SYT17: variants seen among roughly 807,000 people sequenced by gnomAD.
The protein encoded by SYT17 is synaptotagmin 17.
SYT17 carries 22 observed loss-of-function variants against 46.7 expected under a neutral mutation model. That is an observed-to-expected ratio of 0.47 (90% CI 0.34 to 0.67). The LOEUF is 0.67. Among genes scored for constraint, SYT17 ranks in the 30% least tolerant of loss-of-function variants. The pLI, the probability that SYT17 is intolerant of heterozygous loss-of-function variation, is 0.01. For missense variants in SYT17, 519 were observed against 612.8 expected (o/e 0.85, Z 1.62); for synonymous variants, 251 against 248.4 (o/e 1.01, Z -0.10).
rs1158414405 is a variant in SYT17, at chr16:19,180,412, C to G, written c.204C>G (p.Asp68Glu). 1.2e-6 allele frequency: 2 copies of G among 1,614,188 alleles called. No individual in the cohort carries two copies. ...ATAGGATGGCCAGCCGGAGCAGTGA[C>G]AAGGATGGTGACTCTGTCCACACGG... ...PPWLMASRSS[D>E]KDGDSVHTAS... Residue 68 changes from aspartate (D) to glutamate (E), a missense_variant, in exon 4 of 8, where the codon GAC becomes GAG. Coordinates refer to ENST00000355377, the MANE Select transcript of SYT17 (RefSeq NM_016524.4).
chr16:19,235,807 G>A (rs943965983), intron 7 of SYT17, among the ~76,000 whole-genome samples: 2 of 152,200 alleles, frequency 1.3e-5, no homozygotes, highest in Non-Finnish European at 2.9e-5. Flanking sequence ...CAAAATATTT[G>A]CTGGATGAAC....
At chr16:19,173,070 A>T (rs1339337606) in intron 2 of SYT17, 2 of 570,988 alleles carry the variant, frequency 3.5e-6, no homozygotes, top group Non-Finnish European at 6.1e-6. Context: ...TCAAGAAGAC[A>T]CAGTAATATT....
chr16:19,228,109 A>G (rs576473474), intron 7 of SYT17, among the ~76,000 whole-genome samples: 21 of 152,332 alleles, frequency 1.4e-4, no homozygotes, highest in African/African-American at 2.4e-4. Flanking sequence ...AGAAAAATAC[A>G]TGGAAGTATG....
chr16:19,200,533 G>A (rs1227276647), intron 5 of SYT17, among the ~76,000 whole-genome samples: 2 of 152,162 alleles, frequency 1.3e-5, no homozygotes, highest in African/African-American at 2.4e-5. Flanking sequence ...AAGAGGCAAG[G>A]GGTTCCTCTA....
chr16:19,206,332 T>A (rs765437502), intron 5 of SYT17, among the ~76,000 whole-genome samples: 4 of 152,002 alleles, frequency 2.6e-5, no homozygotes, highest in African/African-American at 4.8e-5. Context: ...CTTCATGGGG[T>A]ATATATATGG....
chr16:19,189,408 A>C (rs1199622643), intron 5 of SYT17, among the ~76,000 whole-genome samples: 6 of 146,942 alleles, frequency 4.1e-5, no homozygotes, highest in Non-Finnish European at 7.4e-5. Flanking sequence ...TCGTGTAATC[A>C]TGGCTCAATG....
At chr16:19,184,455 G>T (rs1964696125) in intron 5 of SYT17, among the ~76,000 whole-genome samples, 1 of 150,004 alleles carries the variant, frequency 6.7e-6, no homozygotes, top group African/African-American at 2.5e-5. Flanking sequence ...GCGTGATCTT[G>T]GCTCACTGCA....
chr16:19,261,022 G>A (rs1426489913), intron 7 of SYT17, among the ~76,000 whole-genome samples: 3 of 151,860 alleles, frequency 2.0e-5, no homozygotes, highest in Non-Finnish European at 2.9e-5. Context: ...AAAAAAAATT[G>A]TAGAAAGAGA....
chr16:19,185,673 T>G (rs1481049369), intron 5 of SYT17, among the ~76,000 whole-genome samples: 1 of 151,352 alleles, frequency 6.6e-6, no homozygotes, highest in African/African-American at 2.4e-5. Flanking sequence ...TGGCCTTGGG[T>G]CCAAGCTGCA....
At chr16:19,203,941 C>T (rs549598211) in intron 5 of SYT17, among the ~76,000 whole-genome samples, 4 of 152,136 alleles carry the variant, frequency 2.6e-5, no homozygotes, top group South Asian at 2.1e-4. Flanking sequence ...TTGACGGAAG[C>T]GGAAGCTGGG....
chr16:19,245,040 G>A (rs1039794178), intron 7 of SYT17, among the ~76,000 whole-genome samples: 1 of 152,136 alleles, frequency 6.6e-6, no homozygotes, highest in Non-Finnish European at 1.5e-5. Context: ...CTTGCTCCAC[G>A]ACCTCCCTGA....
chr16:19,207,733 T>TGGC, intron 5 of SYT17, among the ~76,000 whole-genome samples: 1 of 151,962 alleles, frequency 6.6e-6, no homozygotes, highest in East Asian at 1.9e-4. Flanking sequence ...GGGAACAAGG[T>TGGC]GGCCACTCCC....
chr16:19,180,824 A>G (rs1272622527), intron 4 of SYT17, among the ~76,000 whole-genome samples: 1 of 152,238 alleles, frequency 6.6e-6, no homozygotes, highest in Non-Finnish European at 1.5e-5. Flanking sequence ...AGTGTATATC[A>G]TTTCAGATTC....
At chr16:19,245,501 C>T (rs1032603268) in intron 7 of SYT17, among the ~76,000 whole-genome samples, 1 of 152,140 alleles carries the variant, frequency 6.6e-6, no homozygotes, top group Non-Finnish European at 1.5e-5. Context: ...GGGCTCAGAG[C>T]CAGTCAGCAC....
chr16:19,185,899 T>TG lies in SYT17; in HGVS notation c.951+1752_951+1753insG, dbSNP rs2142611953. Among the ~76,000 whole-genome samples, 4 of 152,320 alleles carry TG rather than the reference T, an allele frequency of 2.6e-5. No homozygotes were observed. In the South Asian group the frequency reaches 8.3e-4, roughly 32 times the overall value. On this transcript the variant is annotated intron_variant, in intron 5 of 7. Transcript: ENST00000355377. Reference sequence around the variant, plus strand: ...CGCCTTCCAGTGCACTAAGCGGTAATCACACCTGGTGAATATCTAATTGGG... The same window carrying TG: ...CGCCTTCCAGTGCACTAAGCGGTAATGCACACCTGGTGAATATCTAATTGGG...
chr16:19,230,292 A>G (rs982509605), intron 7 of SYT17, among the ~76,000 whole-genome samples: 1 of 152,044 alleles, frequency 6.6e-6, no homozygotes, highest in Non-Finnish European at 1.5e-5. Flanking sequence ...CTGTAATTCC[A>G]GCTACTCGGG....
intron 7 of SYT17, among the ~76,000 whole-genome samples, chr16:19,229,386 C>G (rs778985520): frequency 3.3e-5 from 5 of 151,962 alleles, no homozygotes; most frequent in Non-Finnish European, 7.4e-5. Flanking sequence ...GATCGTGCAC[C>G]TGACATGGCC....
intron 5 of SYT17, among the ~76,000 whole-genome samples, chr16:19,186,313 C>T (rs370598466): frequency 3.0e-5 from 4 of 133,424 alleles, no homozygotes; most frequent in African/African-American, 1.2e-4. Flanking sequence ...CCTATTTCTA[C>T]AAAACATTAA....
At chr16:19,182,666 G>A (rs1310894227) in intron 4 of SYT17, among the ~76,000 whole-genome samples, 1 of 152,170 alleles carries the variant, frequency 6.6e-6, no homozygotes, top group Non-Finnish European at 1.5e-5. Flanking sequence ...CAACTGTTTG[G>A]GCAATTAGCA....
Sources: gnomAD v4.1 joint callset for allele counts (sites outside exome capture counted in the v4.1 genomes callset) on GRCh38, gnomAD v4.1.1 for gene constraint, MANE v1.5 for transcripts, NCBI Gene and HGNC (gene_info 2026-07-23, HGNC 2026-07-21) for gene names.